The following DEAF1 variants were observed in gnomAD, a reference collection of about 807,000 sequenced individuals.
DEAF1 encodes DEAF1 transcription factor.
A neutral mutation model predicts 58.9 loss-of-function variants in DEAF1; 53 were observed. The observed-to-expected ratio is 0.90, with a 90% CI of 0.72 to 1.13. The LOEUF is 1.13. DEAF1 is among the 50% of genes most tolerant of loss of function. The pLI is 0.00. For synonymous variants in DEAF1, 385 were observed against 340.4 expected (o/e 1.13, Z -1.44); for missense variants, 685 against 791.4 (o/e 0.87, Z 1.61).
chr11:670,143 G>C (rs1393044657), intron 10 of DEAF1, among the ~76,000 whole-genome samples: 1 of 151,692 alleles, frequency 6.6e-6, no homozygotes, highest in Non-Finnish European at 1.5e-5. Flanking sequence ...AAGGGGACAT[G>C]AGTGGTGCTT....
intron 8 of DEAF1, among the ~76,000 whole-genome samples, chr11:679,192 G>A (rs1860224051): frequency 6.6e-6 from 1 of 151,946 alleles, no homozygotes; most frequent in African/African-American, 2.4e-5. Flanking sequence ...GGCAGGCGCT[G>A]TAGTCCCAGC....
intron 11 of DEAF1, among the ~76,000 whole-genome samples, chr11:651,716 C>CTCTA (rs1016525373): frequency 2.6e-5 from 4 of 152,158 alleles, no homozygotes; most frequent in Non-Finnish European, 5.9e-5. Context: ...GAAACCCTGT[C>CTCTA]TCTACTAAAA....
At chr11:682,192 G>A (rs1248531124) in intron 6 of DEAF1, among the ~76,000 whole-genome samples, 1 of 152,200 alleles carries the variant, frequency 6.6e-6, no homozygotes, top group African/African-American at 2.4e-5. Context: ...TCTCTGTTAA[G>A]CTGTTGGTGT....
At chr11:683,862 A>AAG (rs2133392149) in intron 6 of DEAF1, among the ~76,000 whole-genome samples, 1 of 152,254 alleles carries the variant, frequency 6.6e-6, no homozygotes, top group South Asian at 2.1e-4. Flanking sequence ...ACTGACATCT[A>AAG]AGTACTTCAG....
chr11:678,576 T>C, intron 9 of DEAF1, 118 bp downstream of exon 9: 1 of 1,439,158 alleles, frequency 6.9e-7, no homozygotes, highest in South Asian at 1.2e-5. Context: ...ACTGATCTAA[T>C]GCATCAACAA....
intron 9 of DEAF1, among the ~76,000 whole-genome samples, chr11:675,166 C>T (rs1007351539): frequency 7.8e-4 from 31 of 39,920 alleles, no homozygotes; most frequent in Non-Finnish European, 2.0e-3. Flanking sequence ...GCCTGGGCAA[C>T]AGAGTGAGAC....
intron 10 of DEAF1, among the ~76,000 whole-genome samples, chr11:659,957 G>A (rs986114080): frequency 6.6e-6 from 1 of 152,162 alleles, no homozygotes; most frequent in Non-Finnish European, 1.5e-5. Flanking sequence ...CACAGGGCAG[G>A]TGGGGCCAGG....
chr11:657,775 G>A (rs544320812), intron 10 of DEAF1, among the ~76,000 whole-genome samples: 2 of 152,250 alleles, frequency 1.3e-5, no homozygotes, highest in South Asian at 4.2e-4. Context: ...GCCTGGATCG[G>A]GGCACCTGGA....
At position 674,773 on chromosome 11, in the gene DEAF1, G is replaced by T. The variant is rs1859983497; in HGVS notation, c.1266C>A (p.Ser422=). ...GGGGTGGGACCGCCAGCGCAGGCAG[G>T]GATGTCAACACTAGAGCATTTGGAA... ...PTSHPKIVLT[S]LPALAVPPPT... The change falls in exon 10 of 12, where the codon TCC becomes TCA. Residue 422 remains serine (S), a synonymous_variant. Transcript: ENST00000382409. The T allele has an allele frequency of 6.2e-7, 1 of 1,611,916 alleles. No homozygotes were observed. The highest frequency in any genetic ancestry group is 1.3e-5 in the African/African-American group (1 of 74,914).
chr11:658,506 G>A (rs7936930), intron 10 of DEAF1, among the ~76,000 whole-genome samples: 72,971 of 151,860 alleles, frequency 0.48, 18,976 homozygotes, highest in East Asian at 0.73. Context: ...AAGACACCGC[G>A]TTTCCGCAGC....
At chr11:692,794 G>A (rs915396864) in intron 1 of DEAF1, among the ~76,000 whole-genome samples, 6 of 152,006 alleles carry the variant, frequency 3.9e-5, no homozygotes, top group Admixed American at 6.6e-5. Flanking sequence ...GGGAGGTTGC[G>A]GTGAGCTGAG....
chr11:705,141 G>A (rs994323408), intron 1 of DEAF1: 7 of 191,996 alleles, frequency 3.6e-5, no homozygotes, highest in Non-Finnish European at 5.5e-5. Flanking sequence ...GAAGTGCTCC[G>A]GCCAGCCCAG....
In DEAF1 at chr11:695,118, CG is replaced by C; in HGVS notation, c.-72del. On this transcript the variant is annotated 5_prime_UTR_variant, in exon 1 of 12. Coordinates refer to ENST00000382409, the MANE Select transcript of DEAF1 (RefSeq NM_021008.4). ...GAAGCGCCGGTCGCGGAGCCCGAAG[CG>C]GGGCCCGAAGAGGACGCCCGAGCTG... 1 of 1,351,144 alleles carries C rather than the reference CG, an allele frequency of 7.4e-7. No homozygotes were observed. Among genetic ancestry groups the C allele is most frequent in the Non-Finnish European group, 9.6e-7 (1 of 1,044,138 alleles). The allele number at this position is 1,351,144 out of a possible 1,614,324, so 83.7% of individuals were successfully genotyped here. A position where few individuals can be genotyped will look rare whatever the true frequency, so the allele number is the denominator to read the frequency against.
chr11:657,259 G>A (rs900425321), intron 10 of DEAF1, among the ~76,000 whole-genome samples: 5 of 152,106 alleles, frequency 3.3e-5, no homozygotes, highest in African/African-American at 7.2e-5. Flanking sequence ...GCTGATTCCC[G>A]GGCCAGGGCA....
chr11:687,176 G>A (rs1376404879), intron 4 of DEAF1, among the ~76,000 whole-genome samples, 179 bp from the exon 5 acceptor site: 3 of 152,318 alleles, frequency 2.0e-5, no homozygotes, highest in Admixed American at 2.0e-4. Context: ...TTTGCAGCCT[G>A]TGCCTCTGAC....
Position 679,652 on chromosome 11 carries a change from C to T in DEAF1, c.1126+36G>A, listed in dbSNP as rs762119351. The T allele has an allele frequency of 5.6e-6, 9 of 1,606,604 alleles. No homozygotes were observed. In the East Asian group the frequency reaches 2.0e-4, roughly 36 times the overall value. On this transcript the variant is annotated intron_variant, in intron 8 of 11. Transcript: ENST00000382409. ...ATGTGATGTCACAGACAGGGATATG[C>T]TGAGGACGCGTCAGGCAGGCACTGG...
intron 6 of DEAF1, 116 bp from the exon 7 acceptor site, chr11:681,205 A>G (rs1860349022): frequency 9.2e-6 from 13 of 1,418,298 alleles, no homozygotes; most frequent in Non-Finnish European, 1.3e-5. Context: ...GTGAGACCAC[A>G]TTAAGATGGT....
At chr11:702,212 A>C (rs935457967) in intron 1 of DEAF1, among the ~76,000 whole-genome samples, 2 of 152,162 alleles carry the variant, frequency 1.3e-5, no homozygotes, top group Non-Finnish European at 2.9e-5. Flanking sequence ...TGCCCATCCC[A>C]CTGAGGGGTG....
At chr11:675,714 G>C (rs1318247630) in intron 9 of DEAF1, among the ~76,000 whole-genome samples, 1 of 152,098 alleles carries the variant, frequency 6.6e-6, no homozygotes, top group African/African-American at 2.4e-5. Flanking sequence ...CAGCTACCTG[G>C]GAGGCTGAGG....
Sources: allele counts gnomAD v4.1 joint callset (sites outside exome capture counted in the v4.1 genomes callset), GRCh38; gene constraint gnomAD v4.1.1; transcripts MANE v1.5; gene names NCBI Gene and HGNC (gene_info 2026-07-23, HGNC 2026-07-21).